The following YAP1 variants were observed in gnomAD, a reference collection of about 807,000 sequenced individuals.
The protein encoded by YAP1 is Yes1 associated transcriptional regulator, also known as transcriptional coactivator YAP1.
YAP1 carries 5 observed loss-of-function variants against 56.9 expected under a neutral mutation model. The ratio of observed to expected loss-of-function variants is 0.09; its 90% CI spans 0.05 to 0.18. YAP1 has a LOEUF of 0.18. Ranked by LOEUF, YAP1 falls within the 10% of genes least tolerant of loss-of-function variation. YAP1 has a pLI of 1.00. For synonymous variants in YAP1, 265 were observed against 248.1 expected, an observed-to-expected ratio of 1.07 and a Z score of -0.64; for missense variants, 539 against 651.8, an observed-to-expected ratio of 0.83 and a Z score of 1.88.
intron 4 of YAP1, among the ~76,000 whole-genome samples, chr11:102,188,505 GT>G (rs1172779595): frequency 6.6e-6 from 1 of 152,138 alleles, no homozygotes; most frequent in Non-Finnish European, 1.5e-5. Context: ...GCATAATAAC[GT>G]TTCAGTCAGC....
At chr11:102,119,753 A>G (rs1369720607) in intron 2 of YAP1, among the ~76,000 whole-genome samples, 1 of 152,064 alleles carries the variant, frequency 6.6e-6, no homozygotes, top group Non-Finnish European at 1.5e-5. Flanking sequence ...AGCTTAAAAT[A>G]CTCAGGGTAT....
intron 6 of YAP1, among the ~76,000 whole-genome samples, chr11:102,222,228 G>A (rs148185920): frequency 7.2e-5 from 11 of 152,316 alleles, no homozygotes; most frequent in Admixed American, 2.0e-4. Flanking sequence ...AAGCTGTGTG[G>A]AAGGATGACG....
intron 3 of YAP1, among the ~76,000 whole-genome samples, chr11:102,179,431 A>C (rs1947455259): frequency 6.6e-6 from 1 of 152,148 alleles, no homozygotes; most frequent in Admixed American, 6.5e-5. Context: ...AATCCCCTTT[A>C]AGTATTTACT....
chr11:102,204,552 A>G (rs993229524), intron 4 of YAP1, among the ~76,000 whole-genome samples: 42 of 152,182 alleles, frequency 2.8e-4, no homozygotes, highest in African/African-American at 8.2e-4. Flanking sequence ...TTCTTAATGT[A>G]TAGGATGGGC....
Position 102,114,326 on chromosome 11 carries a change from T to C in YAP1, c.504T>C (p.Pro168=), listed in dbSNP as rs1443497170. Residue 168 remains proline (P), a synonymous_variant, in exon 2 of 9, where the codon CCT becomes CCC. Transcript: ENST00000282441. ...QHLRQSSFEI[P]DDVPLPAGWE... ...TTCGACAGTCTTCTTTTGAGATACC[T>C]GATGATGTACCTCTGCCAGCAGGTT... The C allele has an allele frequency of 6.2e-7, 1 of 1,614,200 alleles. No homozygotes were observed. Among genetic ancestry groups the C allele is most frequent in the South Asian group, 1.1e-5 (1 of 91,084 alleles).
chr11:102,209,160 T>G (rs912876229), intron 5 of YAP1, among the ~76,000 whole-genome samples: 58 of 152,342 alleles, frequency 3.8e-4, no homozygotes, highest in African/African-American at 1.4e-3. Context: ...TCTTTTGGCT[T>G]CCTGTGAACT....
At chr11:102,207,835 G>A (rs1330486635) in intron 5 of YAP1, among the ~76,000 whole-genome samples, 1 of 152,202 alleles carries the variant, frequency 6.6e-6, no homozygotes, top group Non-Finnish European at 1.5e-5. Flanking sequence ...AAGACAGTAT[G>A]TGCCAACATA....
intron 4 of YAP1, among the ~76,000 whole-genome samples, chr11:102,190,573 T>A (rs1000083940): frequency 6.7e-6 from 1 of 150,040 alleles, no homozygotes. Context: ...TTGCAGTGAG[T>A]GAATATCATG....
chr11:102,169,489 T>C (rs904681640), intron 3 of YAP1, among the ~76,000 whole-genome samples: 4 of 152,170 alleles, frequency 2.6e-5, no homozygotes, highest in Non-Finnish European at 4.4e-5. Flanking sequence ...TCACAATATA[T>C]GGGAAAAGAC....
At chr11:102,202,286 C>T (rs183255000) in intron 4 of YAP1, among the ~76,000 whole-genome samples, 31 of 151,694 alleles carry the variant, frequency 2.0e-4, no homozygotes, top group Admixed American at 2.0e-3. Context: ...GCCTCAGCCT[C>T]CTGAGTAGCT....
At chr11:102,229,114 C>G (rs1950344459) in intron 8 of YAP1, among the ~76,000 whole-genome samples, 1 of 152,144 alleles carries the variant, frequency 6.6e-6, no homozygotes, top group African/African-American at 2.4e-5. Flanking sequence ...TTAATGTTGT[C>G]ATATGCAAAA....
At chr11:102,225,943 G>T (rs1950172311) in intron 7 of YAP1, among the ~76,000 whole-genome samples, 1 of 152,208 alleles carries the variant, frequency 6.6e-6, no homozygotes, top group African/African-American at 2.4e-5. Context: ...AGGAAGTGGG[G>T]TTCTGCAGGG....
chr11:102,181,429 G>A (rs1947616388), intron 3 of YAP1, among the ~76,000 whole-genome samples: 1 of 152,152 alleles, frequency 6.6e-6, no homozygotes, highest in Admixed American at 6.5e-5. Flanking sequence ...CTGGGTGGCA[G>A]AGCGAGACTC....
intron 2 of YAP1, among the ~76,000 whole-genome samples, chr11:102,142,921 G>T (rs1183559693): frequency 1.3e-5 from 2 of 152,290 alleles, no homozygotes; most frequent in East Asian, 3.9e-4. Context: ...CTGCTTTGAA[G>T]TGAGAGCAAC....
intron 2 of YAP1, among the ~76,000 whole-genome samples, chr11:102,146,039 T>A (rs939034342): frequency 6.6e-6 from 1 of 152,234 alleles, no homozygotes; most frequent in Non-Finnish European, 1.5e-5. Flanking sequence ...TAAGTCAGAA[T>A]GTCAAGGAAT....
At chr11:102,148,055 T>A (rs1945421720) in intron 2 of YAP1, among the ~76,000 whole-genome samples, 1 of 152,220 alleles carries the variant, frequency 6.6e-6, no homozygotes, top group South Asian at 2.1e-4. Context: ...GCTTTATGAC[T>A]ATCCTTGGTT....
At chr11:102,134,665 A>G (rs1944568149) in intron 2 of YAP1, among the ~76,000 whole-genome samples, 1 of 152,036 alleles carries the variant, frequency 6.6e-6, no homozygotes, top group African/African-American at 2.4e-5. Context: ...CACAGATCAC[A>G]TCCCTTTCCC....
intron 4 of YAP1, among the ~76,000 whole-genome samples, chr11:102,198,112 A>G (rs1948664080): frequency 6.6e-6 from 1 of 152,222 alleles, no homozygotes; most frequent in African/African-American, 2.4e-5. Flanking sequence ...TAAAGCCAAA[A>G]GTACTCACAA....
chr11:102,130,208 G>A (rs937210517), intron 2 of YAP1, among the ~76,000 whole-genome samples: 1 of 152,072 alleles, frequency 6.6e-6, no homozygotes, highest in Non-Finnish European at 1.5e-5. Flanking sequence ...CAAAAATATT[G>A]AATGGTGTGA....
Sources: gnomAD v4.1 joint callset for allele counts (sites outside exome capture counted in the v4.1 genomes callset) on GRCh38, gnomAD v4.1.1 for gene constraint, MANE v1.5 for transcripts, NCBI Gene and HGNC (gene_info 2026-07-23, HGNC 2026-07-21) for gene names.